Variants in LEPROTL1 observed in about 807,000 individuals in gnomAD.
LEPROTL1 encodes the protein leptin receptor overlapping transcript-like 1.
LEPROTL1 carries 6 observed loss-of-function variants against 15.4 expected under a neutral mutation model. The ratio of observed to expected loss-of-function variants is 0.39; its 90% CI spans 0.21 to 0.77. The LOEUF (loss-of-function observed/expected upper bound fraction) is 0.77. LEPROTL1 is among the 30% of genes least tolerant of loss of function. The probability of loss-of-function intolerance (pLI) is 0.41; values close to 1 mark genes in which losing one functional copy is unlikely to be tolerated. For synonymous variants in LEPROTL1, 56 were observed against 52.6 expected (o/e 1.06, Z -0.28); for missense variants, 128 against 158.1 (o/e 0.81, Z 1.02).
rs1802522522 is a variant in LEPROTL1, at chr8:30,104,371, T to C, written c.164T>C (p.Leu55Ser). 6.2e-7 allele frequency: 1 copy of C among 1,610,226 alleles called. No homozygotes were observed. Among genetic ancestry groups the C allele is most frequent in the African/African-American group, 1.3e-5 (1 of 74,826 alleles). The change falls in exon 3 of 4, where the codon TTA becomes TCA. Residue 55 changes from leucine to serine, a missense_variant. Leu to Ser is a moderately radical substitution (Grantham distance 145). Transcript: ENST00000321250. ...SPIPYCIARR[L>S]VDDTDAMSNA... ...ATTCCATACTGCATAGCAAGAAGATTAGTGGATGATACAGATGCTATGAGT... is the reference window on the plus strand; with the variant it reads ...ATTCCATACTGCATAGCAAGAAGATCAGTGGATGATACAGATGCTATGAGT...
At chr8:30,111,064 T>G (rs531641306), downstream of LEPROTL1, among the ~76,000 whole-genome samples, 1 of 152,342 alleles carries the variant, frequency 6.6e-6, no homozygotes, top group South Asian at 2.1e-4. Context: ...TAGGTTTACT[T>G]ATGTCATCTA....
downstream of LEPROTL1, among the ~76,000 whole-genome samples, chr8:30,112,508 C>T (rs1179051575): frequency 6.9e-6 from 1 of 144,738 alleles, no homozygotes; most frequent in African/African-American, 2.5e-5. Flanking sequence ...GATCTACCCA[C>T]CTCGGCCTCC....
chr8:30,100,796 A>G (rs1169985532), intron 1 of LEPROTL1, among the ~76,000 whole-genome samples: 2 of 152,206 alleles, frequency 1.3e-5, no homozygotes. Flanking sequence ...AACTATGCCT[A>G]TTCAAGAAAG....
At chr8:30,124,707 T>A (rs376661444) in intron 3 of LEPROTL1, among the ~76,000 whole-genome samples, 1 of 152,286 alleles carries the variant, frequency 6.6e-6, no homozygotes, top group East Asian at 1.9e-4. Context: ...TAAATAACTA[T>A]ATAAACAGAA....
intron 1 of LEPROTL1, among the ~76,000 whole-genome samples, chr8:30,100,470 G>A (rs752075283): frequency 1.3e-5 from 2 of 151,910 alleles, no homozygotes; most frequent in African/African-American, 2.4e-5. Flanking sequence ...TTTTTTTTGA[G>A]ATGGAGTCTT....
intron 1 of LEPROTL1, among the ~76,000 whole-genome samples, chr8:30,098,964 C>T (rs1170266988): frequency 1.3e-5 from 2 of 152,138 alleles, no homozygotes; most frequent in African/African-American, 2.4e-5. Context: ...GAATACTCAT[C>T]CCAAATACCC....
chr8:30,108,610 T>C (rs1802609247), downstream of LEPROTL1: 1 of 152,160 alleles, frequency 6.6e-6, no homozygotes, highest in Admixed American at 6.5e-5. Flanking sequence ...AAATGTCTGC[T>C]CTAATATGAT....
At chr8:30,117,627 A>G (rs1024061175) in intron 3 of LEPROTL1, 50 of 1,467,368 alleles carry the variant, frequency 3.4e-5, no homozygotes, top group Non-Finnish European at 4.6e-5. Flanking sequence ...AATGATTTCA[A>G]ATTCGCCAAT....
In LEPROTL1 at chr8:30,121,233, GTTTTGT is replaced by G. The variant is rs548243253; in HGVS notation, c.280-11113_280-11108del. 1.9e-3 allele frequency among the ~76,000 whole-genome samples: 285 copies of G among 151,510 alleles called. 1 individual carries two copies. Among genetic ancestry groups the G allele is most frequent in the South Asian group, 0.015 (69 of 4,756 alleles). On this transcript the variant is annotated intron_variant, in intron 3 of 4. Transcript: ENST00000442880. ...TGTTTTGTTGTTTATTGTTTTTGGG[GTTTTGT>G]TTTTGTTTTTGTTTTTGTTTTTGTT... is the stretch of plus-strand genomic sequence containing the variant.
chr8:30,095,833 C>G (rs1203265497), intron 1 of LEPROTL1: 2 of 701,720 alleles, frequency 2.9e-6, no homozygotes, highest in Admixed American at 2.0e-5. Flanking sequence ...GTGAGGAGTC[C>G]CGTCGCGACT....
intron 3 of LEPROTL1, chr8:30,117,742 C>T (rs1402526130): frequency 9.0e-6 from 9 of 998,322 alleles, no homozygotes; most frequent in South Asian, 3.8e-5. Flanking sequence ...ATTGTTGATG[C>T]TCTTGAGAGC....
In LEPROTL1 at chr8:30,137,285, C is replaced by T. The variant is rs779260103; in HGVS notation, c.408C>T (p.Thr136=). 5.8e-6 allele frequency: 9 copies of T among 1,551,476 alleles called. No homozygotes were observed. The Admixed American group carries it at 5.9e-5, about 10-fold the overall frequency. ...TCTGTTTTCTAGATGGGGCGCCTAC[C>T]CTTCTTCAGCAAGATGGGAACAGCT... Residue 136 remains threonine, a synonymous_variant, in exon 5 of 5, where the codon ACC becomes ACT. Transcript: ENST00000442880.
chr8:30,117,826 C>G, intron 3 of LEPROTL1: 1 of 642,436 alleles, frequency 1.6e-6, no homozygotes. Flanking sequence ...GACCCTGTTT[C>G]TATAAAAAAT....
intron 3 of LEPROTL1, among the ~76,000 whole-genome samples, chr8:30,131,116 G>T (rs1370366804): frequency 6.6e-6 from 1 of 151,026 alleles, no homozygotes; most frequent in Non-Finnish European, 1.5e-5. Flanking sequence ...TTAGCAGATG[G>T]GGTCTCCCTC....
chr8:30,106,223 G>T lies in LEPROTL1; in HGVS notation c.*361G>T. 2 of 986,132 alleles carry T rather than the reference G, an allele frequency of 2.0e-6. No homozygotes were observed. The allele number at this position is 986,132 out of a possible 1,614,324, so 61.1% of individuals were successfully genotyped here. ...ATCATTTGCATTGGTTAGGAATTCA[G>T]AATTCCGCCGGCTCTATTACTGGTC... On this transcript the variant is annotated 3_prime_UTR_variant, in exon 4 of 4. Transcript: ENST00000321250.
In LEPROTL1 at chr8:30,108,029, A is replaced by G; in HGVS notation, c.*2167A>G. ...ATTACCATTCTTCTATGGAAAGAAAACTTTTGATGATGAAACAATAAAGAT... is the reference window on the plus strand; with the variant it reads ...ATTACCATTCTTCTATGGAAAGAAAGCTTTTGATGATGAAACAATAAAGAT... On this transcript the variant is annotated 3_prime_UTR_variant, in exon 4 of 4. Coordinates refer to ENST00000321250, the MANE Select transcript of LEPROTL1 (RefSeq NM_015344.3). The G allele has an allele frequency of 1.1e-6, 1 of 928,896 alleles. No homozygotes were observed. Among genetic ancestry groups the G allele is most frequent in the Non-Finnish European group, 1.3e-6 (1 of 778,460 alleles). 57.5% of individuals were successfully genotyped at this position (928,896 alleles called of 1,614,324 possible).
At chr8:30,117,063 T>G (rs963849358) in intron 3 of LEPROTL1, among the ~76,000 whole-genome samples, 3 of 152,200 alleles carry the variant, frequency 2.0e-5, no homozygotes, top group East Asian at 3.9e-4. Context: ...AAAAAAATGT[T>G]TTTTTTTCCC....
chr8:30,095,680 T>A, intron 1 of LEPROTL1, 152 bp downstream of exon 1: 1 of 734,490 alleles, frequency 1.4e-6, no homozygotes, highest in Non-Finnish European at 2.1e-6. Context: ...GCCCTGCGCT[T>A]GGCCCGGAGG....
At position 30,120,980 on chromosome 8, in the gene LEPROTL1, C is replaced by G. The variant is rs371868615; in HGVS notation, c.280-11395C>G. On this transcript the variant is annotated intron_variant, in intron 3 of 4. Coordinates refer to the LEPROTL1 transcript ENST00000442880. ...GCATGACAAACTCTACTCCCATTCC[C>G]CCTGCTCCCAGCCCCTGGCAGCCAC... 1.2e-4 allele frequency among the ~76,000 whole-genome samples: 19 copies of G among 152,306 alleles called. No individual in the cohort carries two copies. The East Asian group carries it at 3.5e-3, about 28-fold the overall frequency.
Sources: gnomAD v4.1 joint callset for allele counts (sites outside exome capture counted in the v4.1 genomes callset) on GRCh38, gnomAD v4.1.1 for gene constraint, MANE v1.5 for transcripts, NCBI Gene and HGNC (gene_info 2026-07-23, HGNC 2026-07-21) for gene names.